The following RBM22 variants were observed in gnomAD, a reference collection of about 807,000 sequenced individuals.
RBM22 encodes the protein RNA binding motif protein 22, also known as pre-mRNA-splicing factor RBM22.
A neutral mutation model predicts 50.1 loss-of-function variants in RBM22; 1 was observed. That is an observed-to-expected ratio of 0.02 (90% CI 0.01 to 0.09). RBM22 has a LOEUF of 0.09. Ranked by LOEUF, RBM22 falls within the 10% of genes least tolerant of loss-of-function variation. RBM22 has a pLI of 1.00. For missense variants in RBM22, 264 were observed against 529.3 expected, an observed-to-expected ratio of 0.50 and a Z score of 4.92; for synonymous variants, 152 against 179.0, an observed-to-expected ratio of 0.85 and a Z score of 1.20.
intron 1 of RBM22, 113 bp downstream of exon 1, chr5:150,700,819 G>A: frequency 6.2e-7 from 1 of 1,603,758 alleles, no homozygotes; most frequent in East Asian, 2.3e-5. Flanking sequence ...CTAGGCCGCC[G>A]CGCTGGCTCC....
At position 150,696,396 on chromosome 5, in the gene RBM22, G is replaced by T; in HGVS notation, c.545+137C>A. On this transcript the variant is annotated intron_variant, in intron 6 of 10. Transcript: ENST00000199814. The surrounding 1 kb of genome is among the most constrained non-coding windows in gnomAD (Gnocchi z 4.3). Reference sequence around the variant, plus strand: ...TATTCATGCTCTTCTAAATTTCATAGTTCTAAGACATGAGGTATACCACAT... The same window carrying T: ...TATTCATGCTCTTCTAAATTTCATATTTCTAAGACATGAGGTATACCACAT... The T allele has an allele frequency of 1.0e-6, 1 of 977,086 alleles. No individual in the cohort carries two copies. Among genetic ancestry groups the T allele is most frequent in the South Asian group, 1.8e-5 (1 of 56,196 alleles). 60.5% of individuals were successfully genotyped at this position (977,086 alleles called of 1,614,324 possible). A position where few individuals can be genotyped will look rare whatever the true frequency, so the allele number is the denominator to read the frequency against.
At chr5:150,699,172 G>C in intron 3 of RBM22, 70 bp downstream of exon 3, 1 of 1,536,682 alleles carries the variant, frequency 6.5e-7, no homozygotes, top group South Asian at 1.2e-5. Flanking sequence ...AACTTAGTAA[G>C]CTGAAGGCTA....
At chr5:150,692,023 T>TA in intron 10 of RBM22, 142 bp from the exon 11 acceptor site, 1 of 963,684 alleles carries the variant, frequency 1.0e-6, no homozygotes, top group South Asian at 3.7e-5. Flanking sequence ...TTCACAAACT[T>TA]ACTTCCACTT....
intron 7 of RBM22, chr5:150,694,566 A>C (rs775553812): frequency 5.1e-5 from 11 of 217,618 alleles, no homozygotes; most frequent in Non-Finnish European, 7.1e-5. Context: ...AAGGCCCATG[A>C]GCCAAGAAAG....
rs750918244 is a variant in RBM22 at position 150,693,053 on chromosome 5, T to TA, written c.1001-28dup. On this transcript the variant is annotated intron_variant, in intron 9 of 10. Transcript: ENST00000199814. ...TGGAGGAGAGAAAATAGTCAACACATAGAGGGGAGAACAATTGTGCAACGC... is the reference window on the plus strand; with the variant it reads ...TGGAGGAGAGAAAATAGTCAACACATAAGAGGGGAGAACAATTGTGCAACGC... 212 of 1,592,482 alleles carry TA rather than the reference T, an allele frequency of 1.3e-4. 1 individual carries two copies. In the South Asian group the frequency reaches 2.4e-3, roughly 18 times the overall value.
chr5:150,699,577 G>A (rs2151457914), intron 2 of RBM22, among the ~76,000 whole-genome samples: 1 of 152,358 alleles, frequency 6.6e-6, no homozygotes, highest in South Asian at 2.1e-4. Context: ...TTGAGCCCAG[G>A]AGTTCCAGAC....
chr5:150,693,130 C>A, intron 9 of RBM22, 89 bp downstream of exon 9: 1 of 1,541,828 alleles, frequency 6.5e-7, no homozygotes, highest in Admixed American at 1.8e-5. Context: ...AGTAGAGCGG[C>A]AACATGAACC....
At chr5:150,697,903 T>C (rs927652853) in intron 4 of RBM22, among the ~76,000 whole-genome samples, 2 of 152,154 alleles carry the variant, frequency 1.3e-5, no homozygotes, top group Non-Finnish European at 2.9e-5. Context: ...AGGCTGGCTA[T>C]AGTGGCTCTG....
intron 1 of RBM22, 135 bp downstream of exon 1, chr5:150,700,797 G>A: frequency 6.3e-7 from 1 of 1,581,828 alleles, no homozygotes; most frequent in Non-Finnish European, 8.6e-7. Flanking sequence ...CCGCCCTCCT[G>A]CTCCGGCCAA....
intron 7 of RBM22, among the ~76,000 whole-genome samples, chr5:150,695,031 T>G (rs1759257702): frequency 1.3e-5 from 2 of 152,196 alleles, no homozygotes; most frequent in Admixed American, 6.5e-5. Context: ...AAGCACTCTT[T>G]GAGCTTTGGT....
At chr5:150,695,772 G>T in intron 6 of RBM22, 66 bp from the exon 7 acceptor site, 2 of 1,345,138 alleles carry the variant, frequency 1.5e-6, no homozygotes, top group South Asian at 2.5e-5. Context: ...TATCTTCCAA[G>T]AGTAGCTACA....
rs1759276487 is a variant in RBM22 at position 150,696,379 on chromosome 5, C to T, written c.545+154G>A. ...AAGTAAAAACTACAATTTATTCATGCTCTTCTAAATTTCATAGTTCTAAGA... is the reference window on the plus strand; with the variant it reads ...AAGTAAAAACTACAATTTATTCATGTTCTTCTAAATTTCATAGTTCTAAGA... On this transcript the variant is annotated intron_variant, in intron 6 of 10. Coordinates refer to ENST00000199814, the MANE Select transcript of RBM22 (RefSeq NM_018047.3). The surrounding 1 kb of genome is among the most constrained non-coding windows in gnomAD (Gnocchi z 4.3). Among the ~76,000 whole-genome samples the T allele has an allele frequency of 6.6e-6, 1 of 152,160 alleles. No individual in the cohort carries two copies. The highest frequency in any genetic ancestry group is 1.5e-5 in the Non-Finnish European group (1 of 68,022).
intron 8 of RBM22, 103 bp from the exon 9 acceptor site, chr5:150,693,410 T>C (rs1759235250): frequency 1.2e-6 from 1 of 842,746 alleles, no homozygotes; most frequent in Admixed American, 2.1e-5. Flanking sequence ...CTCTACCTCC[T>C]CCTCAGCACA....
In RBM22 at chr5:150,696,446, A is replaced by C; in HGVS notation, c.545+87T>G. The C allele has an allele frequency of 7.2e-7, 1 of 1,397,106 alleles. No individual in the cohort carries two copies. The allele number at this position is 1,397,106 out of a possible 1,614,324, so 86.5% of individuals were successfully genotyped here. A position where few individuals can be genotyped will look rare whatever the true frequency, so the allele number is the denominator to read the frequency against. ...TTAGTTGTATGACCTTTAGATTTTA[A>C]AGCAGAAACAGTTTAAGTTAGGACC... On this transcript the variant is annotated intron_variant, in intron 6 of 10. Coordinates refer to ENST00000199814, the MANE Select transcript of RBM22 (RefSeq NM_018047.3). The surrounding 1 kb of genome is among the most constrained non-coding windows in gnomAD (Gnocchi z 4.3).
Position 150,696,136 on chromosome 5 carries a change from A to C in RBM22, c.545+397T>G, listed in dbSNP as rs1759274026. On this transcript the variant is annotated intron_variant, in intron 6 of 10. Transcript: ENST00000199814. The surrounding 1 kb of genome is among the most constrained non-coding windows in gnomAD (Gnocchi z 4.3). The stretch of plus-strand genomic sequence containing the variant: ...ACATTATTTTTTAGGGGGTGGGGTT[A>C]ACCAATCCCAAATTAAGAACTCCTA... Among the ~76,000 whole-genome samples, 1 of 151,830 alleles carries C rather than the reference A, an allele frequency of 6.6e-6. No individual in the cohort carries two copies. Among genetic ancestry groups the C allele is most frequent in the Middle Eastern group, 3.4e-3 (1 of 294 alleles).
chr5:150,696,868 C>T lies in RBM22; in HGVS notation c.295G>A (p.Ala99Thr), dbSNP rs773277046. 5.6e-6 allele frequency: 9 copies of T among 1,614,034 alleles called. 1 individual carries two copies. The highest frequency in any genetic ancestry group is 2.2e-5 in the South Asian group (2 of 91,082). The change falls in exon 5 of 11, where the codon GCA becomes ACA. Residue 99 changes from alanine (A) to threonine (T), a missense_variant. Physicochemically the swap from Ala to Thr is moderately conservative, Grantham distance 58 (BLOSUM62 0). Transcript: ENST00000199814. The surrounding 1 kb of genome is among the most constrained non-coding windows in gnomAD (Gnocchi z 4.3). ...EYGLPIQVRD[A>T]GLSFKDDMPK... is the part of the protein sequence containing the mutation. ...ATGTCATCTTTAAAAGACAATCCTG[C>T]GTCACGAACCTGGATGGGCAGGCCT...
Position 150,696,796 on chromosome 5 carries a change from T to C in RBM22, c.367A>G (p.Arg123Gly), listed in dbSNP as rs187192590. 2 of 1,614,134 alleles carry C rather than the reference T, an allele frequency of 1.2e-6. No homozygotes were observed. The highest frequency in any genetic ancestry group is 4.5e-5 in the East Asian group (2 of 44,882). ...NKEYYTQNMEREISNSDGTRP... is the reference protein window; with the variant it reads ...NKEYYTQNMEGEISNSDGTRP... ...TCCAAAAAGTGGCAGCATACCTCTC[T>C]CTCCATATTCTGTGTATAGTACTCT... The change falls in exon 5 of 11, where the codon AGA becomes GGA. Residue 123 changes from arginine (R) to glycine (G), a missense_variant. By Grantham distance (125) the Arg-to-Gly change is moderately radical. Around this residue, in one of 7 missense-constraint regions of RBM22, gnomAD observed 44 missense variants for 57.9 expected, o/e 0.76. Coordinates refer to ENST00000199814, the MANE Select transcript of RBM22 (RefSeq NM_018047.3). This position sits in a 1 kb window ranked among gnomAD's most constrained non-coding sequence, Gnocchi z 4.3.
chr5:150,701,004 T>TC lies in RBM22; in HGVS notation c.-20_-19insG. On this transcript the variant is annotated 5_prime_UTR_variant, in exon 1 of 11. Coordinates refer to ENST00000199814, the MANE Select transcript of RBM22 (RefSeq NM_018047.3). Reference sequence around the variant, plus strand: ...TCGCCATCTTGAGAGCGTCCGGAGGTAGCTGTAGCTTCCGAATTGGGAGAG... The same window carrying TC: ...TCGCCATCTTGAGAGCGTCCGGAGGTCAGCTGTAGCTTCCGAATTGGGAGAG... The TC allele has an allele frequency of 6.2e-7, 1 of 1,614,090 alleles. No homozygotes were observed. Among genetic ancestry groups the TC allele is most frequent in the Non-Finnish European group, 8.5e-7 (1 of 1,180,018 alleles).
rs774334881 is a variant in RBM22 at position 150,691,744 on chromosome 5, C to T, written c.*7G>A. 1.3e-6 allele frequency: 2 copies of T among 1,540,112 alleles called. No homozygotes were observed. Among genetic ancestry groups the T allele is most frequent in the Non-Finnish European group, 1.7e-6 (2 of 1,143,228 alleles). On this transcript the variant is annotated 3_prime_UTR_variant, in exon 11 of 11. Coordinates refer to ENST00000199814, the MANE Select transcript of RBM22 (RefSeq NM_018047.3). ...CTTCCACAGAGCCCCAGAGTGGTGA[C>T]AAGGTGCTAGGGGCTGCTGTGTTTT...
Sources: gnomAD v4.1 joint callset for allele counts (sites outside exome capture counted in the v4.1 genomes callset) on GRCh38, gnomAD v4.1.1 for gene constraint, gnomAD v4.1.1 regional missense constraint, Gnocchi (gnomAD v3.1) non-coding constraint, MANE v1.5 for transcripts, NCBI Gene and HGNC (gene_info 2026-07-23, HGNC 2026-07-21) for gene names.